MOBP: variants seen among roughly 807,000 people sequenced by gnomAD.
The protein encoded by MOBP is myelin-associated oligodendrocyte basic protein.
Under a neutral mutation model 15.0 loss-of-function variants are expected in MOBP, and 5 were observed. The observed-to-expected ratio is 0.33, with a 90% CI of 0.17 to 0.70. The LOEUF (loss-of-function observed/expected upper bound fraction) is 0.70. MOBP is among the 30% of genes least tolerant of loss of function. The pLI, the probability that MOBP is intolerant of heterozygous loss-of-function variation, is 0.67. For missense variants in MOBP, 188 were observed against 257.8 expected (o/e 0.73, Z 1.85); for synonymous variants, 88 against 99.0 (o/e 0.89, Z 0.66).
chr3:39,513,138 A>G (rs2043141908), intron 4 of MOBP, among the ~76,000 whole-genome samples: 1 of 152,372 alleles, frequency 6.6e-6, no homozygotes, highest in South Asian at 2.1e-4. Flanking sequence ...CAGAAAAGCA[A>G]TAATTATCAT....
Position 39,502,928 on chromosome 3 carries a change from TC to T in MOBP, c.*50del. The T allele has an allele frequency of 1.1e-6, 1 of 875,672 alleles. No homozygotes were observed. The allele number at this position is 875,672 out of a possible 1,614,324, so 54.2% of individuals were successfully genotyped here. On this transcript the variant is annotated 3_prime_UTR_variant, in exon 4 of 4. Transcript: ENST00000684792. The surrounding 1 kb of genome is among the most constrained non-coding windows in gnomAD (Gnocchi z 6.3). Reference sequence around the variant, plus strand: ...CCCAGCCCTAAGGTTAGTAGTTGCTTCCTGTGTTTACTAACACCGGGCTGTC... The same window carrying T: ...CCCAGCCCTAAGGTTAGTAGTTGCTTCTGTGTTTACTAACACCGGGCTGTC...
chr3:39,500,166 A>T, intron 2 of MOBP: 1 of 440,610 alleles, frequency 2.3e-6, no homozygotes, highest in South Asian at 1.6e-5. Context: ...TTTTCTGGCC[A>T]TTAGCACATT....
intron 2 of MOBP, among the ~76,000 whole-genome samples, chr3:39,495,480 G>A (rs1242253851): frequency 6.6e-6 from 1 of 151,768 alleles, no homozygotes; most frequent in African/African-American, 2.4e-5. Context: ...TAAAGAAAAT[G>A]GAAGAAAAGA....
At chr3:39,521,737 T>G (rs1259933717) in intron 3 of MOBP, among the ~76,000 whole-genome samples, 1 of 152,144 alleles carries the variant, frequency 6.6e-6, no homozygotes, top group African/African-American at 2.4e-5. Context: ...AATGAAAATG[T>G]CCGACTAAAA....
chr3:39,489,198 A>G (rs568788371), intron 2 of MOBP, among the ~76,000 whole-genome samples: 6 of 152,348 alleles, frequency 3.9e-5, no homozygotes, highest in African/African-American at 1.4e-4. Context: ...TCATTTCTTC[A>G]GGAATCCTTC....
intron 2 of MOBP, among the ~76,000 whole-genome samples, chr3:39,496,041 AAT>A (rs1375106316): frequency 5.3e-5 from 8 of 151,992 alleles, no homozygotes; most frequent in African/African-American, 9.7e-5. Context: ...TTTTTTCAAT[AAT>A]ATAAATTTGA....
chr3:39,505,316 C>T (rs1053896107), downstream of MOBP, among the ~76,000 whole-genome samples: 1 of 152,132 alleles, frequency 6.6e-6, no homozygotes, highest in South Asian at 2.1e-4. Context: ...TCATTTTTTT[C>T]TGCACAGCAT....
At chr3:39,489,690 C>CCCCCCCCCA (rs3036563) in intron 2 of MOBP, among the ~76,000 whole-genome samples, 2 of 150,350 alleles carry the variant, frequency 1.3e-5, no homozygotes, top group African/African-American at 2.5e-5. Context: ...TATTGTTCCC[C>CCCCCCCCCA]GCCCAGCTCC....
downstream of MOBP, chr3:39,528,068 G>C (rs2043352466): frequency 6.6e-6 from 1 of 152,148 alleles, no homozygotes; most frequent in Non-Finnish European, 1.5e-5. Context: ...TAACATTAAT[G>C]AAAACAAGAA....
At chr3:39,495,253 T>C (rs1275048733) in intron 2 of MOBP, among the ~76,000 whole-genome samples, 1 of 152,166 alleles carries the variant, frequency 6.6e-6, no homozygotes. Flanking sequence ...GAGAAGCCAA[T>C]GTAACAAAAA....
At chr3:39,487,899 G>A (rs1360280984) in intron 2 of MOBP, among the ~76,000 whole-genome samples, 1 of 152,130 alleles carries the variant, frequency 6.6e-6, no homozygotes, top group Non-Finnish European at 1.5e-5. Context: ...ACAAAAGACT[G>A]TTGGTGATTT....
At chr3:39,508,788 C>T (rs1053062240) in intron 4 of MOBP, among the ~76,000 whole-genome samples, 2 of 152,074 alleles carry the variant, frequency 1.3e-5, no homozygotes, top group African/African-American at 4.8e-5. Context: ...ACCTCATGAT[C>T]TGCCCACCTC....
At chr3:39,495,216 G>A (rs145581397) in intron 2 of MOBP, among the ~76,000 whole-genome samples, 1,606 of 152,248 alleles carry the variant, frequency 0.011, 14 homozygotes, top group Non-Finnish European at 0.015. Flanking sequence ...CTGTCATAGC[G>A]ACTGCTTTCT....
intron 2 of MOBP, among the ~76,000 whole-genome samples, chr3:39,493,267 A>G (rs614823): frequency 0.36 from 54,161 of 152,128 alleles, 13,438 homozygotes; most frequent in African/African-American, 0.71. Context: ...CTATGACACT[A>G]GTGGTTACAT....
At chr3:39,492,543 A>T (rs549086402) in intron 2 of MOBP, among the ~76,000 whole-genome samples, 3 of 152,304 alleles carry the variant, frequency 2.0e-5, no homozygotes, top group East Asian at 3.9e-4. Flanking sequence ...TTGGGCTTGT[A>T]ATATCACATC....
intron 2 of MOBP, among the ~76,000 whole-genome samples, chr3:39,494,056 G>A (rs918988767): frequency 6.6e-5 from 10 of 152,252 alleles, no homozygotes; most frequent in Middle Eastern, 3.4e-3. Context: ...GTCACATGGG[G>A]GAATTATATA....
downstream of MOBP, chr3:39,525,504 A>G (rs1333032942): frequency 6.6e-6 from 1 of 152,330 alleles, no homozygotes; most frequent in African/African-American, 2.4e-5. Flanking sequence ...GAGGAAAGAA[A>G]GAGCATCAGG....
intron 2 of MOBP, among the ~76,000 whole-genome samples, chr3:39,493,755 A>C (rs1342713455): frequency 6.6e-6 from 1 of 152,148 alleles, no homozygotes; most frequent in African/African-American, 2.4e-5. Flanking sequence ...TCTTTGGGGG[A>C]AGGGAAGGAT....
chr3:39,482,138 G>GT (rs2042637578), intron 2 of MOBP, among the ~76,000 whole-genome samples: 1 of 151,958 alleles, frequency 6.6e-6, no homozygotes, highest in African/African-American at 2.4e-5. Context: ...TTTTTCTCTA[G>GT]TAGATACTTC....
Sources: allele counts gnomAD v4.1 joint callset (sites outside exome capture counted in the v4.1 genomes callset), GRCh38; gene constraint gnomAD v4.1.1; non-coding constraint Gnocchi (gnomAD v3.1); transcripts MANE v1.5; gene names NCBI Gene and HGNC (gene_info 2026-07-23, HGNC 2026-07-21).